Variants in NPRL3 observed in about 807,000 individuals in gnomAD.
NPRL3 encodes NPR3 like, GATOR1 complex subunit.
NPRL3 carries 23 observed loss-of-function variants against 57.2 expected under a neutral mutation model. The observed-to-expected ratio is 0.40, with a 90% CI of 0.29 to 0.57. NPRL3 has a LOEUF of 0.57. Among genes scored for constraint, NPRL3 ranks in the 20% least tolerant of loss-of-function variants. The pLI is 0.42. For synonymous variants in NPRL3, 333 were observed against 321.1 expected (o/e 1.04, Z -0.39); for missense variants, 691 against 767.1 (o/e 0.90, Z 1.17).
intron 7 of NPRL3, among the ~76,000 whole-genome samples, chr16:106,911 C>T (rs528042844): frequency 2.0e-5 from 3 of 152,252 alleles, no homozygotes; most frequent in African/African-American, 4.8e-5. Context: ...TGAGGACAGA[C>T]GAGAGGCCAC....
At chr16:104,394 G>A (rs1043232589) in intron 7 of NPRL3, among the ~76,000 whole-genome samples, 3 of 152,170 alleles carry the variant, frequency 2.0e-5, no homozygotes, top group African/African-American at 7.2e-5. Flanking sequence ...AGGAACAGGG[G>A]CTTGGAACAC....
At chr16:115,193 T>A (rs1220112477) in intron 5 of NPRL3, among the ~76,000 whole-genome samples, 1 of 151,974 alleles carries the variant, frequency 6.6e-6, no homozygotes, top group African/African-American at 2.4e-5. Context: ...CAGGCTGGTG[T>A]CAAACTCCTG....
chr16:87,537 TG>T (rs1567127891), intron 13 of NPRL3, among the ~76,000 whole-genome samples: 6 of 52,216 alleles, frequency 1.1e-4, no homozygotes, highest in Admixed American at 2.6e-4. Flanking sequence ...GTGCCCAGCC[TG>T]CTTTTTTTTT....
intron 9 of NPRL3, 71 bp from the exon 10 acceptor site, chr16:93,396 GC>G: frequency 1.0e-6 from 1 of 998,950 alleles, no homozygotes; most frequent in South Asian, 1.4e-5. Flanking sequence ...GCAGCTCTCA[GC>G]CTGGGTGGCC....
At chr16:126,036 C>T (rs561581431) in intron 3 of NPRL3, 22 of 152,324 alleles carry the variant, frequency 1.4e-4, no homozygotes, top group African/African-American at 4.8e-4. Flanking sequence ...AGCCTGAGGA[C>T]AGTAGCAGTG....
chr16:138,190 G>A lies in NPRL3; in HGVS notation c.78C>T (p.Tyr26=). Residue 26 remains tyrosine (Y), a synonymous_variant, in exon 2 of 14, where the codon TAC becomes TAT. Coordinates refer to ENST00000611875, the MANE Select transcript of NPRL3 (RefSeq NM_001077350.3). ...GSRGNKLLFR[Y]PFQRSQEHPA... ...GGTGCTCCTGGCTTCTCTGGAAGGG[G>A]TACCTGAACAGCAGCTTATTGCCCC... The A allele has an allele frequency of 1.9e-6, 3 of 1,609,944 alleles. No individual in the cohort carries two copies. Among genetic ancestry groups the A allele is most frequent in the South Asian group, 1.1e-5 (1 of 89,986 alleles).
chr16:87,166 C>T (rs1032878113), intron 13 of NPRL3, among the ~76,000 whole-genome samples: 1 of 152,220 alleles, frequency 6.6e-6, no homozygotes, highest in Non-Finnish European at 1.5e-5. Context: ...CAGGGTTCTG[C>T]TGGTGGCTTC....
At chr16:120,884 G>A (rs1015607155) in intron 3 of NPRL3, among the ~76,000 whole-genome samples, 5 of 152,124 alleles carry the variant, frequency 3.3e-5, no homozygotes, top group African/African-American at 9.7e-5. Flanking sequence ...GTTGAAGGAG[G>A]GTTTGAGGTA....
intron 12 of NPRL3, chr16:89,146 A>G (rs1305790153): frequency 2.0e-6 from 1 of 509,196 alleles, no homozygotes; most frequent in African/African-American, 1.9e-5. Context: ...TGTGTGCCCC[A>G]CAAACACCCC....
chr16:134,730 C>T lies in NPRL3; in HGVS notation c.118+3420G>A, dbSNP rs371200013. Among the ~76,000 whole-genome samples, 490 of 115,350 alleles carry T rather than the reference C, an allele frequency of 4.2e-3. 2 individuals are homozygous for T. Among genetic ancestry groups the T allele is most frequent in the Middle Eastern group, 0.022 (2 of 92 alleles). 75.7% of individuals were successfully genotyped at this position (115,350 alleles called of 152,430 possible). A position where few individuals can be genotyped will look rare whatever the true frequency, so the allele number is the denominator to read the frequency against. Reference sequence around the variant, plus strand: ...TTTTTTTTTTTTTTTGAGACGGAGTCTCGCTCTGTCGCCCAGGCTGGAGTG... The same window carrying T: ...TTTTTTTTTTTTTTTGAGACGGAGTTTCGCTCTGTCGCCCAGGCTGGAGTG... On this transcript the variant is annotated intron_variant, in intron 2 of 13. Coordinates refer to ENST00000611875, the MANE Select transcript of NPRL3 (RefSeq NM_001077350.3).
chr16:132,830 C>G (rs1378902557), intron 2 of NPRL3, among the ~76,000 whole-genome samples: 1 of 152,090 alleles, frequency 6.6e-6, no homozygotes, highest in Non-Finnish European at 1.5e-5. Flanking sequence ...CCACTATGCC[C>G]GGCTAATTTT....
At chr16:107,548 G>A (rs912375230) in intron 7 of NPRL3, among the ~76,000 whole-genome samples, 3 of 148,210 alleles carry the variant, frequency 2.0e-5, no homozygotes, top group Non-Finnish European at 3.0e-5. Context: ...GGAGGCTGAG[G>A]CAGAAGAATG....
intron 11 of NPRL3, among the ~76,000 whole-genome samples, chr16:91,305 G>T (rs1898754509): frequency 6.6e-6 from 1 of 152,192 alleles, no homozygotes; most frequent in South Asian, 2.1e-4. Context: ...TTGAACCCGG[G>T]AGGCAAAGGT....
intron 9 of NPRL3, among the ~76,000 whole-genome samples, chr16:95,350 T>TATATATATATATAC (rs1223611120): frequency 9.0e-6 from 1 of 110,990 alleles, no homozygotes; most frequent in African/African-American, 3.7e-5. Flanking sequence ...TATATATATA[T>TATATATATATATAC]ACACACACAC....
chr16:112,778 G>C lies in NPRL3; in HGVS notation c.394-3C>G, dbSNP rs1899875308. 3 of 1,589,980 alleles carry C rather than the reference G, an allele frequency of 1.9e-6. No individual in the cohort carries two copies. The highest frequency in any genetic ancestry group is 2.6e-6 in the Non-Finnish European group (3 of 1,163,148). On this transcript the variant is annotated splice_polypyrimidine_tract_variant and splice_region_variant and intron_variant, in intron 5 of 13. Coordinates refer to ENST00000611875, the MANE Select transcript of NPRL3 (RefSeq NM_001077350.3). Reference sequence around the variant, plus strand: ...ATCACTGACGGGTCTGCGTTGGCCTGCAGGAGAGAGACCATACACAGACTC... The same window carrying C: ...ATCACTGACGGGTCTGCGTTGGCCTCCAGGAGAGAGACCATACACAGACTC...
At position 100,443 on chromosome 16, in the gene NPRL3, G is replaced by C. The variant is rs368272925; in HGVS notation, c.696C>G (p.Pro232=). The part of the protein sequence containing the change: ...NSWLEVSFCL[P]HKIHYAASSL... ...TGGAGGCCGCATAGTGGATCTTGTG[G>C]GGCAGGCAGAAGCTCACCTCCAGCC... is the stretch of plus-strand genomic sequence containing the variant. Residue 232 remains proline (P), a synonymous_variant, in exon 8 of 14, where the codon CCC becomes CCG. Transcript: ENST00000611875. 6.2e-6 allele frequency: 10 copies of C among 1,606,088 alleles called. No homozygotes were observed. In the Admixed American group the frequency reaches 1.0e-4, roughly 16 times the overall value.
At chr16:107,190 T>A (rs1213663806) in intron 7 of NPRL3, among the ~76,000 whole-genome samples, 1 of 152,202 alleles carries the variant, frequency 6.6e-6, no homozygotes, top group Admixed American at 6.5e-5. Flanking sequence ...CTCAGATTCC[T>A]GTCCTCCTTT....
At chr16:129,445 C>T (rs189007060) in intron 3 of NPRL3, among the ~76,000 whole-genome samples, 3 of 152,298 alleles carry the variant, frequency 2.0e-5, no homozygotes, top group Admixed American at 1.3e-4. Flanking sequence ...CCAAAGCCCA[C>T]TCCACTCAGA....
chr16:138,329 G>A lies in NPRL3; in HGVS notation c.-62C>T, dbSNP rs1901223669. The A allele has an allele frequency of 4.9e-6, 4 of 811,696 alleles. No homozygotes were observed. Among genetic ancestry groups the A allele is most frequent in the Non-Finnish European group, 6.2e-6 (4 of 641,980 alleles). 50.3% of individuals were successfully genotyped at this position (811,696 alleles called of 1,614,324 possible). The stretch of plus-strand genomic sequence containing the variant: ...AGAGGAGGACGGAGCCGGAGGCGGA[G>A]GGGGCCTGAGGAGGACGGAGCCGGA... On this transcript the variant is annotated 5_prime_UTR_variant, in exon 2 of 14. Transcript: ENST00000611875.
Sources: allele counts gnomAD v4.1 joint callset (sites outside exome capture counted in the v4.1 genomes callset), GRCh38; gene constraint gnomAD v4.1.1; transcripts MANE v1.5; gene names NCBI Gene and HGNC (gene_info 2026-07-23, HGNC 2026-07-21).